Variants in TANGO6 observed in about 807,000 individuals in gnomAD.
TANGO6 encodes the protein transport and golgi organization 6 homolog.
In TANGO6, 90 loss-of-function variants were observed where a neutral mutation model predicts 114.2. The observed-to-expected ratio is 0.79, with a 90% CI of 0.66 to 0.94. TANGO6 has a LOEUF of 0.94. Among genes scored for constraint, TANGO6 ranks in the 40% least tolerant of loss-of-function variants. TANGO6 has a pLI of 0.00. For missense variants in TANGO6, 1,274 were observed against 1,315.3 expected (o/e 0.97, Z 0.49); for synonymous variants, 477 against 509.8 (o/e 0.94, Z 0.87).
intron 1 of TANGO6, among the ~76,000 whole-genome samples, chr16:68,843,964 GCT>G (rs1393592253): frequency 3.3e-5 from 5 of 152,194 alleles, no homozygotes; most frequent in Non-Finnish European, 7.3e-5. Context: ...CTTGTGCTGG[GCT>G]CTGTCAGGCG....
chr16:68,985,993 G>A (rs1963885751), intron 15 of TANGO6, among the ~76,000 whole-genome samples: 2 of 152,308 alleles, frequency 1.3e-5, no homozygotes, highest in Middle Eastern at 3.4e-3. Flanking sequence ...GTGGGTGGGT[G>A]GAAGAGGGGA....
At chr16:69,029,546 A>G (rs1959560294) in intron 16 of TANGO6, among the ~76,000 whole-genome samples, 1 of 152,122 alleles carries the variant, frequency 6.6e-6, no homozygotes, top group Non-Finnish European at 1.5e-5. Context: ...AATGTTATGT[A>G]TAATCAATAA....
At position 69,067,518 on chromosome 16, in the gene TANGO6, C is replaced by CAAAAAAAAAAAAAAA. The variant is rs1199698790; in HGVS notation, c.3109-15962_3109-15948dup. Among the ~76,000 whole-genome samples the CAAAAAAAAAAAAAAA allele has an allele frequency of 5.1e-3, 224 of 43,698 alleles. 9 individuals are homozygous for CAAAAAAAAAAAAAAA. The highest frequency in any genetic ancestry group is 8.6e-3 in the African/African-American group (87 of 10,166). The allele number at this position is 43,698 out of a possible 152,430, so 28.7% of individuals were successfully genotyped here. A position where few individuals can be genotyped will look rare whatever the true frequency, so the allele number is the denominator to read the frequency against. On this transcript the variant is annotated intron_variant, in intron 17 of 17. Transcript: ENST00000261778. Reference sequence around the variant, plus strand: ...AGGCAACAAGAGCAAAACTCCATCTCAAAAAAAAAAAAAAAAAAACGCTGG... The same window carrying CAAAAAAAAAAAAAAA: ...AGGCAACAAGAGCAAAACTCCATCTCAAAAAAAAAAAAAAAAAAAAAAAAAAAAAAAAAACGCTGG...
At chr16:68,875,383 C>A in intron 5 of TANGO6, 93 bp downstream of exon 5, 1 of 1,417,644 alleles carries the variant, frequency 7.1e-7, no homozygotes, top group Non-Finnish European at 9.5e-7. Flanking sequence ...GAGATAAAAG[C>A]AGTATAATAT....
chr16:68,879,231 A>G (rs1597001848), intron 6 of TANGO6, among the ~76,000 whole-genome samples: 1 of 151,820 alleles, frequency 6.6e-6, no homozygotes, highest in South Asian at 2.1e-4. Flanking sequence ...TCAGCCTCCC[A>G]AAGTGCTGGG....
intron 17 of TANGO6, among the ~76,000 whole-genome samples, chr16:69,053,520 C>T (rs1282267191): frequency 6.6e-6 from 1 of 152,180 alleles, no homozygotes. Flanking sequence ...GGTAATCTAA[C>T]AGCTTCATCT....
intron 12 of TANGO6, among the ~76,000 whole-genome samples, chr16:68,921,550 G>T (rs897986501): frequency 0.013 from 1,181 of 89,780 alleles, 17 homozygotes; most frequent in African/African-American, 0.046. Flanking sequence ...GTTTTGTTTT[G>T]TTTTTTTTTG....
At chr16:68,852,050 T>C (rs1961910400) in intron 1 of TANGO6, among the ~76,000 whole-genome samples, 1 of 152,240 alleles carries the variant, frequency 6.6e-6, no homozygotes, top group African/African-American at 2.4e-5. Flanking sequence ...CATTAAATAA[T>C]GTTCAGCATT....
chr16:68,937,501 A>G (rs1963311362), intron 14 of TANGO6: 1 of 152,188 alleles, frequency 6.6e-6, no homozygotes, highest in Admixed American at 6.5e-5. Flanking sequence ...ATCTAATTTT[A>G]AAACATTTTT....
At chr16:68,990,279 C>G (rs1184969495) in intron 15 of TANGO6, among the ~76,000 whole-genome samples, 1 of 152,200 alleles carries the variant, frequency 6.6e-6, no homozygotes, top group Non-Finnish European at 1.5e-5. Context: ...AATGGACTGA[C>G]AGTTCCACAT....
chr16:68,940,430 T>C (rs1353816715), intron 14 of TANGO6, among the ~76,000 whole-genome samples: 1 of 152,118 alleles, frequency 6.6e-6, no homozygotes, highest in Admixed American at 6.6e-5. Flanking sequence ...TACAGCATCT[T>C]ATCAAATGAA....
At chr16:69,008,345 G>A (rs1964114023) in intron 15 of TANGO6, among the ~76,000 whole-genome samples, 1 of 152,002 alleles carries the variant, frequency 6.6e-6, no homozygotes, top group African/African-American at 2.4e-5. Context: ...TTTGCTTTTG[G>A]CATCATATGT....
At chr16:68,858,065 A>AT (rs369292829) in intron 1 of TANGO6, among the ~76,000 whole-genome samples, 24,370 of 143,556 alleles carry the variant, frequency 0.17, 1,976 homozygotes, top group Non-Finnish European at 0.19. Flanking sequence ...CTCTCGGAAG[A>AT]TTTTTTTTTT....
In TANGO6 at chr16:68,919,168, G is replaced by T; in HGVS notation, c.2076G>T (p.Thr692=). 6.2e-7 allele frequency: 1 copy of T among 1,612,696 alleles called. No homozygotes were observed. The highest frequency in any genetic ancestry group is 8.5e-7 in the Non-Finnish European group (1 of 1,179,474). The change falls in exon 12 of 18, where the codon ACG becomes ACT. Residue 692 remains threonine (T), a synonymous_variant. Coordinates refer to ENST00000261778, the MANE Select transcript of TANGO6 (RefSeq NM_024562.2). Reference sequence around the variant, plus strand: ...CAGAGAGCACCGTGGAATCACAGACGCTGAGCATGTCCATGGGGCTGGTGG... The same window carrying T: ...CAGAGAGCACCGTGGAATCACAGACTCTGAGCATGTCCATGGGGCTGGTGG... The part of the protein sequence containing the change: ...HQAESTVESQ[T]LSMSMGLVAV...
chr16:69,000,014 T>A (rs942868699), intron 15 of TANGO6, among the ~76,000 whole-genome samples: 31 of 152,330 alleles, frequency 2.0e-4, no homozygotes, highest in African/African-American at 7.2e-4. Flanking sequence ...TGTCTGTGGA[T>A]GACAAAAAGT....
At chr16:69,060,595 T>TAAA (rs913094985) in intron 17 of TANGO6, among the ~76,000 whole-genome samples, 1 of 134,880 alleles carries the variant, frequency 7.4e-6, no homozygotes, top group Non-Finnish European at 1.6e-5. Flanking sequence ...CTCTGTCTCT[T>TAAA]AAAAAAAAAA....
intron 13 of TANGO6, among the ~76,000 whole-genome samples, chr16:68,928,502 A>G (rs967667963): frequency 6.6e-6 from 1 of 151,602 alleles, no homozygotes; most frequent in East Asian, 1.9e-4. Context: ...GACGGGCACC[A>G]TGTTAGCCAG....
chr16:69,062,603 G>A (rs1407080068), intron 17 of TANGO6, among the ~76,000 whole-genome samples: 1 of 151,310 alleles, frequency 6.6e-6, no homozygotes, highest in Non-Finnish European at 1.5e-5. Context: ...CTCCCGAGTA[G>A]CTGGGATTAC....
intron 16 of TANGO6, among the ~76,000 whole-genome samples, chr16:69,029,385 G>A (rs184366327): frequency 3.3e-5 from 5 of 152,248 alleles, no homozygotes; most frequent in Admixed American, 2.0e-4. Context: ...GTTACAAGAC[G>A]TATATGTTTG....
Sources: gnomAD v4.1 joint callset for allele counts (sites outside exome capture counted in the v4.1 genomes callset) on GRCh38, gnomAD v4.1.1 for gene constraint, MANE v1.5 for transcripts, NCBI Gene and HGNC (gene_info 2026-07-23, HGNC 2026-07-21) for gene names.